NRXN3: variants seen among roughly 807,000 people sequenced by gnomAD.
NRXN3 encodes the protein neurexin III.
A neutral mutation model predicts 137.6 loss-of-function variants in NRXN3; 32 were observed. The observed-to-expected ratio is 0.23, with a 90% CI of 0.18 to 0.31. The LOEUF is 0.31. Ranked by LOEUF, NRXN3 falls within the 10% of genes least tolerant of loss-of-function variation. NRXN3 has a pLI of 1.00. For synonymous variants in NRXN3, 798 were observed against 784.5 expected (o/e 1.02, Z -0.29); for missense variants, 1,574 against 2,062.5 (o/e 0.76, Z 4.59).
At chr14:79,858,360 C>G (rs1361290625) in intron 20 of NRXN3, among the ~76,000 whole-genome samples, 4 of 152,076 alleles carry the variant, frequency 2.6e-5, no homozygotes, top group Non-Finnish European at 5.9e-5. Flanking sequence ...ACAGATGGTA[C>G]ACTAAAATTG....
chr14:79,737,734 T>C (rs74064008), intron 19 of NRXN3, among the ~76,000 whole-genome samples: 2,814 of 151,988 alleles, frequency 0.019, 89 homozygotes, highest in African/African-American at 0.064. Context: ...TTCTTTCTTT[T>C]TTTTTTTTAA....
intron 4 of NRXN3, among the ~76,000 whole-genome samples, chr14:78,582,020 G>C (rs570213462): frequency 6.6e-5 from 10 of 152,118 alleles, no homozygotes; most frequent in Non-Finnish European, 1.3e-4. Flanking sequence ...ATTAATTTTC[G>C]CATCATCCTG....
intron 17 of NRXN3, among the ~76,000 whole-genome samples, chr14:79,688,655 G>C (rs2098704565): frequency 6.6e-6 from 1 of 152,134 alleles, no homozygotes; most frequent in Non-Finnish European, 1.5e-5. Flanking sequence ...ACCCAAAGTG[G>C]AAAATGTGAG....
At chr14:78,562,292 G>A (rs2096793864) in intron 4 of NRXN3, among the ~76,000 whole-genome samples, 1 of 151,100 alleles carries the variant, frequency 6.6e-6, no homozygotes, top group African/African-American at 2.4e-5. Flanking sequence ...GGCTACTCAG[G>A]AGGCTGAGGC....
At chr14:79,385,204 T>TCCCC (rs557799323) in intron 15 of NRXN3, among the ~76,000 whole-genome samples, 3 of 90,560 alleles carry the variant, frequency 3.3e-5, no homozygotes, top group African/African-American at 1.1e-4. Flanking sequence ...ATGCTATCCT[T>TCCCC]CCCCCCGCCC....
chr14:78,306,173 TAAAAG>T (rs1487946568), intron 4 of NRXN3, among the ~76,000 whole-genome samples: 2 of 152,152 alleles, frequency 1.3e-5, no homozygotes, highest in East Asian at 1.9e-4. Context: ...TGACAATACA[TAAAAG>T]AAATTATTTC....
At chr14:79,458,925 T>C (rs2096290529) in intron 15 of NRXN3, among the ~76,000 whole-genome samples, 1 of 152,158 alleles carries the variant, frequency 6.6e-6, no homozygotes, top group Non-Finnish European at 1.5e-5. Context: ...AATGAGTACC[T>C]CTATACTGCC....
intron 1 of NRXN3, among the ~76,000 whole-genome samples, chr14:78,238,313 G>GTGTGGGAATCAAGCTCAGAACAGC (rs1336434451): frequency 9.9e-5 from 15 of 152,238 alleles, no homozygotes; most frequent in Admixed American, 6.5e-5. Flanking sequence ...ACAGAGAAGT[G>GTGTGGGAATCAAGCTCAGAACAGC]TTCTGAGCTT....
chr14:78,246,559 G>A (rs914816893), intron 2 of NRXN3, among the ~76,000 whole-genome samples: 1 of 152,142 alleles, frequency 6.6e-6, no homozygotes, highest in African/African-American at 2.4e-5. Flanking sequence ...AGGTGAGAGA[G>A]GATGTTGCGG....
chr14:79,039,886 T>G (rs2099622298), intron 15 of NRXN3, among the ~76,000 whole-genome samples: 1 of 152,144 alleles, frequency 6.6e-6, no homozygotes, highest in Non-Finnish European at 1.5e-5. Context: ...GTACTTTTTG[T>G]AGAGACAGGA....
chr14:79,667,483 C>G (rs1477298059), intron 17 of NRXN3, among the ~76,000 whole-genome samples: 1 of 151,942 alleles, frequency 6.6e-6, no homozygotes, highest in Non-Finnish European at 1.5e-5. Context: ...TTATGGGGCT[C>G]TACTGAAACA....
intron 8 of NRXN3, among the ~76,000 whole-genome samples, chr14:78,759,414 T>G (rs550752800): frequency 2.0e-5 from 3 of 152,340 alleles, no homozygotes; most frequent in African/African-American, 7.2e-5. Flanking sequence ...ATGAGGACAC[T>G]GGGGCTTGAT....
chr14:79,055,643 T>A (rs1202168287), intron 15 of NRXN3, among the ~76,000 whole-genome samples: 2 of 152,212 alleles, frequency 1.3e-5, no homozygotes, highest in African/African-American at 2.4e-5. Flanking sequence ...ATATATATAT[T>A]AACATTCTAA....
intron 19 of NRXN3, among the ~76,000 whole-genome samples, chr14:79,744,433 C>T (rs1373697397): frequency 6.6e-6 from 1 of 152,146 alleles, no homozygotes; most frequent in African/African-American, 2.4e-5. Flanking sequence ...CAAAAATGAA[C>T]TTATGTCACA....
chr14:78,553,253 C>G (rs547012237), intron 4 of NRXN3, among the ~76,000 whole-genome samples: 61 of 152,260 alleles, frequency 4.0e-4, no homozygotes, highest in African/African-American at 1.4e-3. Context: ...ATATTCATTT[C>G]AACCATACTG....
intron 8 of NRXN3, chr14:78,744,686 T>C (rs1043057121): frequency 3.3e-5 from 5 of 152,306 alleles, no homozygotes; most frequent in Admixed American, 3.3e-4. Context: ...CAATATCCAC[T>C]TCCACACCTT....
At chr14:79,748,693 A>T (rs937076943) in intron 19 of NRXN3, among the ~76,000 whole-genome samples, 86 of 151,358 alleles carry the variant, frequency 5.7e-4, no homozygotes, top group Admixed American at 3.0e-3. Context: ...ACTCATTTTT[A>T]AAAAAATTTC....
At chr14:79,035,658 C>G (rs2099614823) in intron 15 of NRXN3, among the ~76,000 whole-genome samples, 1 of 152,006 alleles carries the variant, frequency 6.6e-6, no homozygotes, top group African/African-American at 2.4e-5. Flanking sequence ...CTAACTCAAT[C>G]TAAATTATAT....
At chr14:79,326,587 T>C (rs1456829885) in intron 15 of NRXN3, among the ~76,000 whole-genome samples, 1 of 152,180 alleles carries the variant, frequency 6.6e-6, no homozygotes, top group East Asian at 1.9e-4. Flanking sequence ...ACACTTGAAA[T>C]AACAAGAAAG....
Sources: gnomAD v4.1 joint callset for allele counts (sites outside exome capture counted in the v4.1 genomes callset) on GRCh38, gnomAD v4.1.1 for gene constraint, MANE v1.5 for transcripts, NCBI Gene and HGNC (gene_info 2026-07-23, HGNC 2026-07-21) for gene names.